ACYP2: variants seen among roughly 807,000 people sequenced by gnomAD.
ACYP2 encodes acylphosphatase 2.
ACYP2 carries 12 observed loss-of-function variants against 11.2 expected under a neutral mutation model. The ratio of observed to expected loss-of-function variants is 1.08; its 90% CI spans 0.69 to 1.74. ACYP2 has a LOEUF of 1.74. Among genes scored for constraint, ACYP2 ranks in the 40% most tolerant of loss-of-function variants. The pLI is 0.00. For synonymous variants in ACYP2, 43 were observed against 32.2 expected (o/e 1.33, Z -1.13); for missense variants, 134 against 101.9 (o/e 1.31, Z -1.35).
intron 2 of ACYP2, among the ~76,000 whole-genome samples, chr2:54,000,647 A>G (rs150735497): frequency 2.6e-4 from 40 of 152,346 alleles, no homozygotes; most frequent in Admixed American, 1.1e-3. Context: ...ACATTCATTT[A>G]AGGAACTAGA....
intron 2 of ACYP2, among the ~76,000 whole-genome samples, chr2:54,045,728 A>T (rs1573598314): frequency 6.6e-6 from 1 of 152,024 alleles, no homozygotes; most frequent in East Asian, 1.9e-4. Flanking sequence ...AGGCAGGAGA[A>T]TGGCGGGAAC....
intron 6 of ACYP2, among the ~76,000 whole-genome samples, chr2:54,277,039 C>T (rs947270383): frequency 6.6e-6 from 1 of 152,156 alleles, no homozygotes. Context: ...AATTATTAGA[C>T]ATTTAAATTG....
Position 54,210,087 on chromosome 2 carries a change from G to T in ACYP2, c.404+71339G>T, listed in dbSNP as rs1424407085. On this transcript the variant is annotated intron_variant, in intron 6 of 6. Coordinates refer to ENST00000607452, the MANE Select transcript of ACYP2 (RefSeq NM_001320586.2). ...ACCTGGGAGGCAAAGGTTGCAGTGA[G>T]CTGAGATTGCGCCCCTGTACTCCAG... Among the ~76,000 whole-genome samples, 3 of 146,546 alleles carry T rather than the reference G, an allele frequency of 2.0e-5. No individual in the cohort carries two copies. The South Asian group carries it at 6.4e-4, about 31-fold the overall frequency.
chr2:54,295,355 G>C (rs1483207648), intron 6 of ACYP2, among the ~76,000 whole-genome samples: 6 of 152,132 alleles, frequency 3.9e-5, no homozygotes, highest in African/African-American at 1.4e-4. Context: ...TCTTCAGAAG[G>C]GACTACCATG....
At chr2:54,031,356 A>G (rs62140986) in intron 2 of ACYP2, among the ~76,000 whole-genome samples, 7,643 of 141,514 alleles carry the variant, frequency 0.054, 269 homozygotes, top group East Asian at 0.12. Flanking sequence ...ATTCCCACCT[A>G]TGAGTGAGAA....
chr2:54,255,564 C>G (rs1573000864), intron 6 of ACYP2: 1 of 1,608,660 alleles, frequency 6.2e-7, no homozygotes, highest in African/African-American at 1.4e-5. Flanking sequence ...GACCCACGTT[C>G]AGGGGCCCGG....
At chr2:54,242,149 C>T (rs1043793238) in intron 6 of ACYP2, among the ~76,000 whole-genome samples, 6 of 152,158 alleles carry the variant, frequency 3.9e-5, no homozygotes, top group African/African-American at 1.4e-4. Context: ...TTGCTATGTT[C>T]AAAACATTTG....
chr2:54,105,147 T>C (rs2103708409), intron 4 of ACYP2, among the ~76,000 whole-genome samples: 1 of 152,316 alleles, frequency 6.6e-6, no homozygotes, highest in East Asian at 1.9e-4. Flanking sequence ...CTGAGCACTC[T>C]TCCCCGGCTT....
At chr2:54,217,856 GA>G (rs1460920935) in intron 6 of ACYP2, among the ~76,000 whole-genome samples, 3 of 152,128 alleles carry the variant, frequency 2.0e-5, no homozygotes, top group African/African-American at 4.8e-5. Flanking sequence ...GATGAGGGTT[GA>G]AAAAAGCTAG....
At chr2:53,975,671 A>G (rs1671441016) in intron 2 of ACYP2, among the ~76,000 whole-genome samples, 1 of 152,108 alleles carries the variant, frequency 6.6e-6, no homozygotes, top group Non-Finnish European at 1.5e-5. Flanking sequence ...TCTCTACTAA[A>G]AATACAAAAA....
chr2:54,291,514 C>G (rs1409998777), intron 6 of ACYP2, among the ~76,000 whole-genome samples: 1 of 152,226 alleles, frequency 6.6e-6, no homozygotes, highest in African/African-American at 2.4e-5. Flanking sequence ...TGGGGTCTTT[C>G]ACGTACTGCA....
At chr2:54,027,007 G>T (rs543511664) in intron 2 of ACYP2, among the ~76,000 whole-genome samples, 5 of 152,156 alleles carry the variant, frequency 3.3e-5, no homozygotes, top group Non-Finnish European at 5.9e-5. Flanking sequence ...CACCACTAAA[G>T]AACTTACCAT....
intron 2 of ACYP2, among the ~76,000 whole-genome samples, chr2:54,036,447 G>A (rs1000493989): frequency 6.6e-6 from 1 of 152,178 alleles, no homozygotes; most frequent in Non-Finnish European, 1.5e-5. Flanking sequence ...GGGCATCTTT[G>A]GGGGCCTTAT....
chr2:54,029,615 C>T (rs530536077), intron 2 of ACYP2: 7 of 375,156 alleles, frequency 1.9e-5, no homozygotes, highest in Non-Finnish European at 3.1e-5. Flanking sequence ...TGGCTTCCTT[C>T]TTTTTCTGAT....
intron 6 of ACYP2, among the ~76,000 whole-genome samples, chr2:54,222,145 C>T (rs1342018073): frequency 1.3e-5 from 2 of 152,160 alleles, no homozygotes; most frequent in East Asian, 1.9e-4. Flanking sequence ...GTTTAAGCCT[C>T]ACAGCTAGGA....
At chr2:54,221,109 C>A (rs73938017) in intron 6 of ACYP2, among the ~76,000 whole-genome samples, 1,629 of 152,230 alleles carry the variant, frequency 0.011, 36 homozygotes, top group African/African-American at 0.037. Flanking sequence ...TTTCCCTGGG[C>A]AGCTGCTGCC....
chr2:54,083,709 C>G (rs57056959), intron 4 of ACYP2, among the ~76,000 whole-genome samples: 1 of 152,074 alleles, frequency 6.6e-6, no homozygotes, highest in Non-Finnish European at 1.5e-5. Flanking sequence ...CCCCATCCCC[C>G]CAAAGGCACA....
At chr2:54,302,233 A>T (rs1426430915) in intron 6 of ACYP2, among the ~76,000 whole-genome samples, 2 of 152,130 alleles carry the variant, frequency 1.3e-5, no homozygotes, top group Non-Finnish European at 2.9e-5. Flanking sequence ...CCATTCAAAT[A>T]TGGTTTTCAT....
intron 4 of ACYP2, among the ~76,000 whole-genome samples, chr2:54,104,344 T>A (rs1235127373): frequency 6.6e-6 from 1 of 152,208 alleles, no homozygotes; most frequent in East Asian, 1.9e-4. Context: ...AAGTGGAAAT[T>A]ATCAGAGCCT....
Sources: gnomAD v4.1 joint callset for allele counts (sites outside exome capture counted in the v4.1 genomes callset) on GRCh38, gnomAD v4.1.1 for gene constraint, MANE v1.5 for transcripts, NCBI Gene and HGNC (gene_info 2026-07-23, HGNC 2026-07-21) for gene names.